Variants in NAV3 observed in about 807,000 individuals in gnomAD.
NAV3 encodes pore membrane and/or filament interacting like protein 1.
In NAV3, 87 loss-of-function variants were observed where a neutral mutation model predicts 244.7. That is an observed-to-expected ratio of 0.36 (90% CI 0.30 to 0.42). NAV3 has a LOEUF of 0.42. Ranked by LOEUF, NAV3 falls within the 20% of genes least tolerant of loss-of-function variation. The probability of loss-of-function intolerance (pLI) is 1.00; values close to 1 mark genes in which losing one functional copy is unlikely to be tolerated. For missense variants in NAV3, 2,663 were observed against 2,893.3 expected (o/e 0.92, Z 1.83); for synonymous variants, 1,126 against 1,042.2 (o/e 1.08, Z -1.55).
At chr12:77,729,760 G>A (rs1877040943) in intron 2 of NAV3, among the ~76,000 whole-genome samples, 2 of 151,838 alleles carry the variant, frequency 1.3e-5, no homozygotes, top group African/African-American at 4.8e-5. Flanking sequence ...CCTGATATAA[G>A]GCAGGAGACT....
intron 1 of NAV3, among the ~76,000 whole-genome samples, chr12:77,901,513 C>G (rs1028536048): frequency 1.1e-4 from 17 of 151,968 alleles, no homozygotes; most frequent in African/African-American, 4.1e-4. Flanking sequence ...AGTTTGAGAC[C>G]AGCCTGGCCA....
rs192490514 is a variant in NAV3, at chr12:77,959,435, T to A, written c.415-6794T>A. ...GGCTATGATGTGAAATGGCATCATT[T>A]ATACCATTATAGCATTGTTACCCTC... On this transcript the variant is annotated intron_variant, in intron 3 of 39. Coordinates refer to ENST00000397909, the MANE Select transcript of NAV3 (RefSeq NM_001024383.2). Among the ~76,000 whole-genome samples the A allele has an allele frequency of 7.2e-5, 11 of 152,254 alleles. No homozygotes were observed. The East Asian group carries it at 1.7e-3, about 24-fold the overall frequency.
chr12:77,626,430 A>G (rs1247155050), intron 2 of NAV3, among the ~76,000 whole-genome samples: 1 of 152,180 alleles, frequency 6.6e-6, no homozygotes, highest in Admixed American at 6.5e-5. Context: ...TGCAAGAGAT[A>G]TAAACATCCA....
chr12:78,070,363 C>T lies in NAV3; in HGVS notation c.2636+11248C>T, dbSNP rs971599425. ...GAAAAACTTTCTCAAGGTTACACCA[C>T]TAGTAAATGCCAGATGCTGGGATTT... On this transcript the variant is annotated intron_variant, in intron 12 of 39. Transcript: ENST00000397909. 7.1e-4 allele frequency among the ~76,000 whole-genome samples: 106 copies of T among 150,324 alleles called. 1 individual carries two copies. The highest frequency in any genetic ancestry group is 7.2e-4 in the Non-Finnish European group (49 of 67,758).
At chr12:77,984,870 G>A (rs1870205885) in intron 5 of NAV3, among the ~76,000 whole-genome samples, 1 of 151,894 alleles carries the variant, frequency 6.6e-6, no homozygotes, top group Non-Finnish European at 1.5e-5. Flanking sequence ...ATGCTGGAGT[G>A]CAGAGGTGTG....
At chr12:78,067,414 T>G (rs1202001470) in intron 12 of NAV3, among the ~76,000 whole-genome samples, 1 of 152,092 alleles carries the variant, frequency 6.6e-6, no homozygotes, top group East Asian at 1.9e-4. Flanking sequence ...GTGGAAAAAC[T>G]GTTATTGATG....
At chr12:77,834,020 C>T (rs1179530188) in intron 1 of NAV3, among the ~76,000 whole-genome samples, 1 of 151,974 alleles carries the variant, frequency 6.6e-6, no homozygotes, top group Non-Finnish European at 1.5e-5. Context: ...TGTGTTCTTC[C>T]GCCAGTGTGT....
intron 2 of NAV3, among the ~76,000 whole-genome samples, chr12:77,618,126 A>C (rs965779307): frequency 6.6e-6 from 1 of 152,210 alleles, no homozygotes; most frequent in East Asian, 1.9e-4. Flanking sequence ...TGAGTAAACC[A>C]TCTAGGCAAT....
At chr12:78,023,586 A>T (rs1877510609) in intron 9 of NAV3, among the ~76,000 whole-genome samples, 1 of 152,190 alleles carries the variant, frequency 6.6e-6, no homozygotes, top group Non-Finnish European at 1.5e-5. Context: ...TGTCAATCTC[A>T]CTATCATCTG....
intron 2 of NAV3, among the ~76,000 whole-genome samples, chr12:77,782,042 A>G (rs1222593982): frequency 6.6e-6 from 1 of 152,218 alleles, no homozygotes; most frequent in Non-Finnish European, 1.5e-5. Flanking sequence ...CTATAAAAAT[A>G]TATGTGCCAC....
chr12:77,955,306 C>T (rs1382284300), intron 3 of NAV3, among the ~76,000 whole-genome samples: 2 of 152,110 alleles, frequency 1.3e-5, no homozygotes, highest in Non-Finnish European at 2.9e-5. Flanking sequence ...TTCCCGCGTT[C>T]ACCTCGTACC....
chr12:77,827,821 A>G (rs1873173293), upstream of NAV3, among the ~76,000 whole-genome samples: 1 of 152,234 alleles, frequency 6.6e-6, no homozygotes, highest in Non-Finnish European at 1.5e-5. Context: ...CATTTTATAG[A>G]TGATGAAACT....
intron 2 of NAV3, among the ~76,000 whole-genome samples, chr12:77,680,268 T>C (rs1874393175): frequency 6.6e-6 from 1 of 152,138 alleles, no homozygotes; most frequent in South Asian, 2.1e-4. Flanking sequence ...GACTGGGAAT[T>C]GAGGTGTACT....
At chr12:78,148,327 C>G (rs1479036986) in intron 21 of NAV3, among the ~76,000 whole-genome samples, 1 of 151,550 alleles carries the variant, frequency 6.6e-6, no homozygotes, top group Non-Finnish European at 1.5e-5. Context: ...TGAATTAAGC[C>G]CAAGTTTTAG....
intron 2 of NAV3, among the ~76,000 whole-genome samples, chr12:77,687,188 AG>A (rs1874794248): frequency 6.6e-6 from 1 of 152,254 alleles, no homozygotes; most frequent in African/African-American, 2.4e-5. Flanking sequence ...GAAAACTGTG[AG>A]TGGCTGTTGT....
intron 2 of NAV3, among the ~76,000 whole-genome samples, chr12:77,782,845 T>C (rs566611370): frequency 6.6e-6 from 1 of 152,206 alleles, no homozygotes; most frequent in East Asian, 1.9e-4. Context: ...TTTGAAAGAA[T>C]ACTTTAATTT....
chr12:78,019,125 G>A (rs1198702709), intron 8 of NAV3, among the ~76,000 whole-genome samples: 8 of 152,100 alleles, frequency 5.3e-5, no homozygotes, highest in Admixed American at 5.2e-4. Context: ...TATTTTGCAA[G>A]GCAGGCATTT....
Position 78,190,190 on chromosome 12 carries a change from A to G in NAV3, c.6262A>G (p.Thr2088Ala), listed in dbSNP as rs1958910751. 1.2e-6 allele frequency: 2 copies of G among 1,612,338 alleles called. No individual in the cohort carries two copies. The highest frequency in any genetic ancestry group is 1.7e-6 in the Non-Finnish European group (2 of 1,179,282). ...GAAAAAAACAGAGGATGCAATTGCC[A>G]CTTTTAATGTGGACCACAAGTCAAG... ...GRKKTEDAIA[T>A]FNVDHKSSKE... Residue 2088 changes from threonine to alanine, a missense_variant, in exon 34 of 40, where the codon ACT becomes GCT. By Grantham distance (58) the Thr-to-Ala change is moderately conservative. This residue lies in a region of NAV3 where 543 missense variants were observed against 672.4 expected (regional missense o/e 0.81). Coordinates refer to ENST00000397909, the MANE Select transcript of NAV3 (RefSeq NM_001024383.2).
chr12:77,731,613 T>C (rs1877130376), intron 2 of NAV3, among the ~76,000 whole-genome samples: 1 of 151,930 alleles, frequency 6.6e-6, no homozygotes, highest in Admixed American at 6.6e-5. Context: ...ATTGTTGAGC[T>C]TTTAATGGGA....
Sources: allele counts gnomAD v4.1 joint callset (sites outside exome capture counted in the v4.1 genomes callset), GRCh38; gene constraint gnomAD v4.1.1; regional missense constraint gnomAD v4.1.1; transcripts MANE v1.5; gene names NCBI Gene and HGNC (gene_info 2026-07-23, HGNC 2026-07-21).